Variants in TEX15 observed in about 807,000 individuals in gnomAD.
TEX15 encodes testis-expressed protein 15.
TEX15 carries 171 observed loss-of-function variants against 237.3 expected under a neutral mutation model. That is an observed-to-expected ratio of 0.72 (90% CI 0.64 to 0.82). The LOEUF is 0.82. Among genes scored for constraint, TEX15 ranks in the 40% least tolerant of loss-of-function variants. TEX15 has a pLI of 0.00. For missense variants in TEX15, 3,750 were observed against 3,646.5 expected (o/e 1.03, Z -0.73); for synonymous variants, 1,338 against 1,269.8 (o/e 1.05, Z -1.14).
rs751980274 is a variant in TEX15, at chr8:30,891,479, G to A, written c.-9-4168C>T. Reference sequence around the variant, plus strand: ...TGTGGTTAGTTTGCATTTTCTCCCCGCACCCCCCCTTTTTTTTTTCGACAA... The same window carrying A: ...TGTGGTTAGTTTGCATTTTCTCCCCACACCCCCCCTTTTTTTTTTCGACAA... On this transcript the variant is annotated intron_variant, in intron 2 of 10. Coordinates refer to ENST00000643185, the MANE Select transcript of TEX15 (RefSeq NM_001350162.2). Among the ~76,000 whole-genome samples the A allele has an allele frequency of 6.6e-5, 10 of 151,524 alleles. No individual in the cohort carries two copies. In the South Asian group the frequency reaches 1.5e-3, roughly 22 times the overall value.
At chr8:30,877,868 G>A (rs144656811) in intron 3 of TEX15, among the ~76,000 whole-genome samples, 11 of 152,044 alleles carry the variant, frequency 7.2e-5, no homozygotes, top group Admixed American at 3.9e-4. Context: ...TTTATCACAC[G>A]TAGATTTGTG....
At chr8:30,894,873 T>C (rs777261033) in intron 2 of TEX15, among the ~76,000 whole-genome samples, 2 of 152,186 alleles carry the variant, frequency 1.3e-5, no homozygotes, top group Non-Finnish European at 2.9e-5. Context: ...ACAAACAGAC[T>C]GTGAAGACCT....
chr8:30,843,430 G>A lies in TEX15; in HGVS notation c.6737C>T (p.Ser2246Phe). The A allele has an allele frequency of 1.9e-6, 3 of 1,613,114 alleles. No homozygotes were observed. The highest frequency in any genetic ancestry group is 2.5e-6 in the Non-Finnish European group (3 of 1,179,638). ...GTTCTTAATAAAATTAACCTTTGAG[G>A]AGATCATTTCTATGATAATCCACAG... is the stretch of plus-strand genomic sequence containing the variant. ...DHLWIIIEMI[S>F]SKVNFIKNNE... The change falls in exon 8 of 11, where the codon TCC becomes TTC. Residue 2246 changes from serine (S) to phenylalanine (F), a missense_variant. Ser to Phe is a radical substitution (Grantham distance 155, BLOSUM62 -2). Transcript: ENST00000643185.
rs1171553610 is a variant in TEX15, at chr8:30,847,506, C to T, written c.2661G>A (p.Lys887=). ...NNIENIYGDK[K]QDSHTNENFS... ...AATTTTCGTTTGTATGAGAATCCTG[C>T]TTTTTGTCTCCATATATGTTCTCTA... is the stretch of plus-strand genomic sequence containing the variant. The change falls in exon 8 of 11, where the codon AAG becomes AAA. Residue 887 remains lysine, a synonymous_variant. Transcript: ENST00000643185. 1 of 1,613,398 alleles carries T rather than the reference C, an allele frequency of 6.2e-7. No individual in the cohort carries two copies. Among genetic ancestry groups the T allele is most frequent in the Non-Finnish European group, 8.5e-7 (1 of 1,179,860 alleles).
chr8:30,874,810 C>A, intron 4 of TEX15, 127 bp downstream of exon 4: 1 of 555,014 alleles, frequency 1.8e-6, no homozygotes, highest in East Asian at 3.5e-5. Context: ...GAGAATGTAA[C>A]AAAAAATAAT....
rs780534986 is a variant in TEX15 at position 30,836,933 on chromosome 8, T to C, written c.9351A>G (p.Gln3117=). ...GAAAATTAGAAGCAGGTATTTGAGATTGAAAATACCCATTCACTGGCACAA... is the reference window on the plus strand; with the variant it reads ...GAAAATTAGAAGCAGGTATTTGAGACTGAAAATACCCATTCACTGGCACAA... ...NGFVPVNGYF[Q]SQIPASNFRQ... The change falls in exon 10 of 11, where the codon CAA becomes CAG. Residue 3117 remains glutamine (Q), a synonymous_variant. Coordinates refer to ENST00000643185, the MANE Select transcript of TEX15 (RefSeq NM_001350162.2). The C allele has an allele frequency of 2.5e-5, 40 of 1,614,008 alleles. No homozygotes were observed. The highest frequency in any genetic ancestry group is 8.9e-5 in the East Asian group (4 of 44,874).
At chr8:30,852,247 A>C (rs1406385644) in intron 7 of TEX15, among the ~76,000 whole-genome samples, 1 of 151,306 alleles carries the variant, frequency 6.6e-6, no homozygotes, top group Non-Finnish European at 1.5e-5. Context: ...CTGGGACTAC[A>C]GGCGTCCGCC....
intron 10 of TEX15, among the ~76,000 whole-genome samples, chr8:30,835,482 G>A (rs1448097250): frequency 6.6e-6 from 1 of 152,144 alleles, no homozygotes; most frequent in Non-Finnish European, 1.5e-5. Context: ...GCTGAAATGG[G>A]AGGACAGCTT....
intron 3 of TEX15, among the ~76,000 whole-genome samples, chr8:30,875,962 C>T (rs946159332): frequency 6.6e-6 from 1 of 152,006 alleles, no homozygotes; most frequent in Admixed American, 6.6e-5. Flanking sequence ...CAGGCACAGG[C>T]CCAACATGCC....
chr8:30,907,737 A>ATATAAAAT lies in TEX15; in HGVS notation c.-86+5134_-86+5141dup, dbSNP rs1405141578. Among the ~76,000 whole-genome samples, 31 of 143,906 alleles carry ATATAAAAT rather than the reference A, an allele frequency of 2.2e-4. No homozygotes were observed. The East Asian group carries it at 6.1e-3, about 28-fold the overall frequency. 94.4% of individuals were successfully genotyped at this position (143,906 alleles called of 152,430 possible). ...GATATAAAATTTATATATAAATTAG[A>ATATAAAAT]TATAAAATTTTATATCTAATTTATA... On this transcript the variant is annotated intron_variant, in intron 1 of 10. Transcript: ENST00000643185.
chr8:30,889,455 GA>G (rs1054663956), intron 2 of TEX15, among the ~76,000 whole-genome samples: 5 of 151,134 alleles, frequency 3.3e-5, no homozygotes, highest in African/African-American at 7.3e-5. Flanking sequence ...CCGGCTCAAA[GA>G]AAAAAAAATT....
chr8:30,865,545 C>T (rs1808145501), intron 5 of TEX15, among the ~76,000 whole-genome samples: 1 of 152,020 alleles, frequency 6.6e-6, no homozygotes, highest in South Asian at 2.1e-4. Context: ...ATGTAAAAAT[C>T]CTCAACAAAA....
intron 2 of TEX15, among the ~76,000 whole-genome samples, chr8:30,893,871 T>C (rs906889114): frequency 2.6e-5 from 4 of 152,158 alleles, no homozygotes; most frequent in Non-Finnish European, 5.9e-5. Flanking sequence ...ACTTTATCTT[T>C]AAATATTGTT....
intron 2 of TEX15, chr8:30,887,652 T>G (rs973842263): frequency 1.1e-4 from 17 of 157,398 alleles, no homozygotes; most frequent in African/African-American, 3.9e-4. Flanking sequence ...TACAAAAAAA[T>G]TAGCTGGGTG....
chr8:30,875,052 C>T lies in TEX15; in HGVS notation c.187G>A (p.Asp63Asn). Reference sequence around the variant, plus strand: ...TCAAGCCTGCACTGGTTAAGAGTATCATGTATAAAACTATACTCTCTACTA... The same window carrying T: ...TCAAGCCTGCACTGGTTAAGAGTATTATGTATAAAACTATACTCTCTACTA... ...TNSREYSFIH[D>N]TLNQCRLDVN... The change falls in exon 4 of 11, where the codon GAT becomes AAT. Residue 63 changes from aspartate to asparagine, a missense_variant. Transcript: ENST00000643185. The T allele has an allele frequency of 2.3e-6, 3 of 1,331,270 alleles. No homozygotes were observed. The highest frequency in any genetic ancestry group is 2.9e-6 in the Non-Finnish European group (3 of 1,038,254). The allele number at this position is 1,331,270 out of a possible 1,614,324, so 82.5% of individuals were successfully genotyped here. A position where few individuals can be genotyped will look rare whatever the true frequency, so the allele number is the denominator to read the frequency against.
At position 30,843,614 on chromosome 8, in the gene TEX15, CG is replaced by C; in HGVS notation, c.6552del (p.Asp2185IlefsTer21). ...ACAGAAAGAGAAAAATCAAAGCAAT[CG>C]GAACAATGCTCCATTATGGCTTCAC... ...NECEAIMEHC[S>X]DCFDFSLSVP... On this transcript the variant is annotated frameshift_variant, in exon 8 of 11. Coordinates refer to ENST00000643185, the MANE Select transcript of TEX15 (RefSeq NM_001350162.2). LOFTEE classifies it high-confidence loss of function. The C allele has an allele frequency of 1.2e-6, 2 of 1,612,806 alleles. No individual in the cohort carries two copies. Among genetic ancestry groups the C allele is most frequent in the Non-Finnish European group, 1.7e-6 (2 of 1,179,720 alleles).
chr8:30,866,976 A>G (rs1433496381), intron 5 of TEX15, among the ~76,000 whole-genome samples: 1 of 151,992 alleles, frequency 6.6e-6, no homozygotes, highest in African/African-American at 2.4e-5. Context: ...GATAGAAACA[A>G]AAAGAGTAAA....
chr8:30,833,756 A>T lies in TEX15; in HGVS notation c.9482-433T>A, dbSNP rs537591215. Among the ~76,000 whole-genome samples, 34 of 152,350 alleles carry T rather than the reference A, an allele frequency of 2.2e-4. 1 individual carries two copies. The South Asian group carries it at 6.4e-3, about 29-fold the overall frequency. On this transcript the variant is annotated intron_variant, in intron 10 of 10. Coordinates refer to ENST00000643185, the MANE Select transcript of TEX15 (RefSeq NM_001350162.2). ...TTTCTGTGGATTATTTACACTCATG[A>T]TAACTCAAAGATGTGCTTATAACAT...
chr8:30,836,104 T>C (rs534201291), intron 10 of TEX15, among the ~76,000 whole-genome samples: 3 of 152,166 alleles, frequency 2.0e-5, no homozygotes, highest in Admixed American at 2.0e-4. Flanking sequence ...TCAGTATTTC[T>C]ATCTATTTCC....
Sources: allele counts gnomAD v4.1 joint callset (sites outside exome capture counted in the v4.1 genomes callset), GRCh38; gene constraint gnomAD v4.1.1; transcripts MANE v1.5; gene names NCBI Gene and HGNC (gene_info 2026-07-23, HGNC 2026-07-21).